Variants in PLA2G6 observed in about 807,000 individuals in gnomAD.
PLA2G6 encodes the protein phospholipase A2 group VI, also known as 85/88 kDa calcium-independent phospholipase A2.
Under a neutral mutation model 83.8 loss-of-function variants are expected in PLA2G6, and 62 were observed. The observed-to-expected ratio is 0.74, with a 90% CI of 0.60 to 0.91. The LOEUF is 0.91. Ranked by LOEUF, PLA2G6 falls within the 40% of genes least tolerant of loss-of-function variation. The pLI, the probability that PLA2G6 is intolerant of heterozygous loss-of-function variation, is 0.00. For synonymous variants in PLA2G6, 417 were observed against 449.8 expected (o/e 0.93, Z 0.92); for missense variants, 944 against 1,102.0 (o/e 0.86, Z 2.03).
At chr22:38,170,674 G>A (rs2145935600) in intron 1 of PLA2G6, among the ~76,000 whole-genome samples, 1 of 152,282 alleles carries the variant, frequency 6.6e-6, no homozygotes, top group Non-Finnish European at 1.5e-5. Flanking sequence ...CTCTGCCTCT[G>A]TGCCAAGATG....
At position 38,111,723 on chromosome 22, in the gene PLA2G6, G is replaced by GGGAAC; in HGVS notation, c.*433_*437dup. ...CCCATTTCTTTAGTCCCAGCCCCCAGGGAACGGAGCAGAGGGCAGAGGGAG... is the reference window on the plus strand; with the variant it reads ...CCCATTTCTTTAGTCCCAGCCCCCAGGGAACGGAACGGAGCAGAGGGCAGAGGGAG... On this transcript the variant is annotated 3_prime_UTR_variant, in exon 17 of 17. Coordinates refer to ENST00000332509, the MANE Select transcript of PLA2G6 (RefSeq NM_003560.4). 3.9e-6 allele frequency: 1 copy of GGGAAC among 253,602 alleles called. No individual in the cohort carries two copies. Among genetic ancestry groups the GGGAAC allele is most frequent in the Non-Finnish European group, 7.9e-6 (1 of 126,542 alleles). The allele number at this position is 253,602 out of a possible 1,614,324, so 15.7% of individuals were successfully genotyped here. A position where few individuals can be genotyped will look rare whatever the true frequency, so the allele number is the denominator to read the frequency against.
intron 1 of PLA2G6, among the ~76,000 whole-genome samples, chr22:38,173,474 T>C (rs920311030): frequency 6.6e-6 from 1 of 151,948 alleles, no homozygotes; most frequent in Non-Finnish European, 1.5e-5. Flanking sequence ...CAGTGACAAT[T>C]CTGCCTGTCC....
intron 12 of PLA2G6, among the ~76,000 whole-genome samples, chr22:38,118,242 T>C (rs1337679223): frequency 6.6e-6 from 1 of 152,192 alleles, no homozygotes; most frequent in African/African-American, 2.4e-5. Context: ...GCAGTGTTGA[T>C]GGGCTGAAAA....
At chr22:38,122,346 G>C (rs1415907196) in intron 11 of PLA2G6, among the ~76,000 whole-genome samples, 1 of 152,108 alleles carries the variant, frequency 6.6e-6, no homozygotes, top group Admixed American at 6.5e-5. Context: ...CAATGTCCAG[G>C]GGGTTGGGGG....
rs2088033988 is a variant in PLA2G6, at chr22:38,128,871, A to G, written c.1187-441T>C. On this transcript the variant is annotated intron_variant, in intron 8 of 16. Coordinates refer to ENST00000332509, the MANE Select transcript of PLA2G6 (RefSeq NM_003560.4). The surrounding 1 kb of genome is among the most constrained non-coding windows in gnomAD (Gnocchi z 4.4). ...GAGGTCATAGATGCGGTGCATGCAG[A>G]CACACACGTGTGCACTGGCACACAC... 6.6e-6 allele frequency among the ~76,000 whole-genome samples: 1 copy of G among 152,210 alleles called. No homozygotes were observed. The highest frequency in any genetic ancestry group is 2.4e-5 in the African/African-American group (1 of 41,440).
intron 2 of PLA2G6, 26 bp downstream of exon 2, chr22:38,169,192 G>C (rs774302823): frequency 7.7e-6 from 12 of 1,564,506 alleles, no homozygotes; most frequent in Non-Finnish European, 9.7e-6. Flanking sequence ...AAGGAGAGAA[G>C]TATGTTCCCG....
chr22:38,145,371 G>T, intron 3 of PLA2G6, 67 bp downstream of exon 3: 1 of 1,325,842 alleles, frequency 7.5e-7, no homozygotes, highest in Non-Finnish European at 1.1e-6. Context: ...ACCGAGGCCT[G>T]CGGCCCCCAC....
In PLA2G6 at chr22:38,132,632, GTGT is replaced by G; in HGVS notation, c.1077+196_1077+198del. On this transcript the variant is annotated intron_variant, in intron 7 of 16. Transcript: ENST00000332509. This position sits in a 1 kb window ranked among gnomAD's most constrained non-coding sequence, Gnocchi z 5.0. Reference sequence around the variant, plus strand: ...AAGGTACCACAGCACACAGGAGGTGGTGTTATTTTGGGCTGAGAGGGGGACTTG... The same window carrying G: ...AAGGTACCACAGCACACAGGAGGTGGTATTTTGGGCTGAGAGGGGGACTTG... The G allele has an allele frequency of 1.7e-6, 1 of 600,542 alleles. No homozygotes were observed. 37.2% of individuals were successfully genotyped at this position (600,542 alleles called of 1,614,324 possible). A position where few individuals can be genotyped will look rare whatever the true frequency, so the allele number is the denominator to read the frequency against.
rs1487236550 is a variant in PLA2G6 at position 38,112,099 on chromosome 22, G to C, written c.*62C>G. On this transcript the variant is annotated 3_prime_UTR_variant, in exon 17 of 17. Coordinates refer to ENST00000332509, the MANE Select transcript of PLA2G6 (RefSeq NM_003560.4). ...ATCTGCCCGGGAGGGCAGTGGCTGG[G>C]CTTGGCCTGGCAGGGGCTGAATGGA... The C allele has an allele frequency of 3.9e-6, 6 of 1,541,232 alleles. No homozygotes were observed. The African/African-American group carries it at 6.9e-5, about 18-fold the overall frequency.
At chr22:38,120,434 C>G (rs932199290) in intron 12 of PLA2G6, among the ~76,000 whole-genome samples, 1 of 152,240 alleles carries the variant, frequency 6.6e-6, no homozygotes, top group African/African-American at 2.4e-5. Flanking sequence ...GGCCCAGGCT[C>G]TCTCCAGGCA....
rs150190907 is a variant in PLA2G6 at position 38,125,247 on chromosome 22, T to C, written c.1427+1124A>G. ...ATGTGTGCATGTGTGTGCGTGTCCA[T>C]GTGTTTGCATGTGGGCAACACATGC... On this transcript the variant is annotated intron_variant, in intron 10 of 16. Transcript: ENST00000332509. Among the ~76,000 whole-genome samples, 440 of 152,170 alleles carry C rather than the reference T, an allele frequency of 2.9e-3. 2 individuals are homozygous for C. The highest frequency in any genetic ancestry group is 0.017 in the Middle Eastern group (5 of 294).
chr22:38,120,417 G>A (rs1006933457), intron 12 of PLA2G6, among the ~76,000 whole-genome samples: 1 of 152,248 alleles, frequency 6.6e-6, no homozygotes, highest in Non-Finnish European at 1.5e-5. Context: ...TGGTCTCAGA[G>A]AAGGGTGGCC....
At chr22:38,172,988 C>T (rs1442612928) in intron 1 of PLA2G6, among the ~76,000 whole-genome samples, 2 of 152,132 alleles carry the variant, frequency 1.3e-5, no homozygotes, top group Non-Finnish European at 1.5e-5. Context: ...GGACACAGGC[C>T]GACTGTGGGC....
Position 38,163,132 on chromosome 22 carries a change from C to T in PLA2G6, c.209+6086G>A, listed in dbSNP as rs2090083234. ...AGGGGGTCCTGGACCAAAAAAAATG[C>T]CAAGGACCCTCACGCTAGAGCAGTA... On this transcript the variant is annotated intron_variant, in intron 2 of 16. Coordinates refer to ENST00000332509, the MANE Select transcript of PLA2G6 (RefSeq NM_003560.4). 2.0e-5 allele frequency among the ~76,000 whole-genome samples: 3 copies of T among 152,146 alleles called. No homozygotes were observed. In the South Asian group the frequency reaches 6.2e-4, roughly 32 times the overall value.
At chr22:38,127,354 G>C (rs2087923804) in intron 9 of PLA2G6, 1 of 1,305,134 alleles carries the variant, frequency 7.7e-7, no homozygotes, top group Non-Finnish European at 1.0e-6. Flanking sequence ...GTGAGAGCTA[G>C]AGCTAATGCC....
chr22:38,112,776 G>A, intron 15 of PLA2G6, 199 bp from the exon 16 acceptor site: 1 of 629,226 alleles, frequency 1.6e-6, no homozygotes, highest in Non-Finnish European at 2.9e-6. Flanking sequence ...TGTGCAATCA[G>A]AGGGGCAGAG....
intron 6 of PLA2G6, 29 bp downstream of exon 6, chr22:38,134,959 C>CCCCCCCCCCCA: frequency 8.3e-7 from 1 of 1,206,022 alleles, no homozygotes; most frequent in Non-Finnish European, 1.2e-6. Context: ...GGCCCCCTGC[C>CCCCCCCCCCCA]CCACCCACCC....
chr22:38,122,343 C>T (rs1175636459), intron 11 of PLA2G6, among the ~76,000 whole-genome samples: 1 of 152,124 alleles, frequency 6.6e-6, no homozygotes, highest in Non-Finnish European at 1.5e-5. Context: ...GGACAATGTC[C>T]AGGGGGTTGG....
At chr22:38,116,791 C>A (rs182438395) in intron 12 of PLA2G6, among the ~76,000 whole-genome samples, 1 of 128,258 alleles carries the variant, frequency 7.8e-6, no homozygotes, top group Non-Finnish European at 1.6e-5. Context: ...GCAGAGGTTG[C>A]AGTGAGCCGA....
Sources: allele counts gnomAD v4.1 joint callset (sites outside exome capture counted in the v4.1 genomes callset), GRCh38; gene constraint gnomAD v4.1.1; non-coding constraint Gnocchi (gnomAD v3.1); transcripts MANE v1.5; gene names NCBI Gene and HGNC (gene_info 2026-07-23, HGNC 2026-07-21).